Variants in IQCH observed in about 807,000 individuals in gnomAD.
The protein encoded by IQCH is IQ motif containing H, also known as IQ domain-containing protein H.
IQCH carries 98 observed loss-of-function variants against 117.0 expected under a neutral mutation model. The ratio of observed to expected loss-of-function variants is 0.84; its 90% CI spans 0.71 to 0.99. The LOEUF is 0.99. IQCH is among the 50% of genes least tolerant of loss of function. IQCH has a pLI of 0.00. For synonymous variants in IQCH, 412 were observed against 448.2 expected, an observed-to-expected ratio of 0.92 and a Z score of 1.02; for missense variants, 1,102 against 1,243.8, an observed-to-expected ratio of 0.89 and a Z score of 1.72.
rs1299415681 is a variant in IQCH, at chr15:67,400,209, A to G, written c.2001A>G (p.Ala667=). ...CTGAGTTCCGAGGAAATGGGACTGCATTTTGTGATATTCCTTCCTACCTAA... is the reference window on the plus strand; with the variant it reads ...CTGAGTTCCGAGGAAATGGGACTGCGTTTTGTGATATTCCTTCCTACCTAA... ...MDSEFRGNGT[A]FCDIPSYLKC... The change falls in exon 14 of 21, where the codon GCA becomes GCG. Residue 667 remains alanine, a synonymous_variant. Transcript: ENST00000335894. The G allele has an allele frequency of 1.2e-6, 2 of 1,613,580 alleles. No individual in the cohort carries two copies. Among genetic ancestry groups the G allele is most frequent in the African/African-American group, 1.3e-5 (1 of 74,918 alleles).
chr15:67,302,961 A>G (rs917809803), intron 4 of IQCH, among the ~76,000 whole-genome samples: 8 of 152,232 alleles, frequency 5.3e-5, no homozygotes, highest in South Asian at 2.1e-4. Context: ...ATGCTTATCT[A>G]GCATACATTC....
Position 67,475,637 on chromosome 15 carries a change from T to C in IQCH, c.2677-59T>C. ...GCAATTTTCCTGTTAATCTCAAGTA[T>C]TCCAAAATTACAAGTTTATTTAAAT... On this transcript the variant is annotated intron_variant, in intron 17 of 20. Transcript: ENST00000335894. The surrounding 1 kb of genome is among the most constrained non-coding windows in gnomAD (Gnocchi z 5.7). The C allele has an allele frequency of 2.6e-6, 4 of 1,525,032 alleles. No homozygotes were observed. Among genetic ancestry groups the C allele is most frequent in the South Asian group, 1.2e-5 (1 of 85,144 alleles). The allele number at this position is 1,525,032 out of a possible 1,614,324, so 94.5% of individuals were successfully genotyped here.
At chr15:67,383,050 A>G (rs1970990720) in intron 10 of IQCH, among the ~76,000 whole-genome samples, 1 of 152,212 alleles carries the variant, frequency 6.6e-6, no homozygotes, top group African/African-American at 2.4e-5. Context: ...TGCTGATGTC[A>G]TTGTACATTG....
At chr15:67,330,289 A>G (rs1968607933) in intron 4 of IQCH, among the ~76,000 whole-genome samples, 1 of 152,230 alleles carries the variant, frequency 6.6e-6, no homozygotes, top group Admixed American at 6.5e-5. Flanking sequence ...CCAGAAGCAG[A>G]TCCTTTACAT....
At chr15:67,347,759 G>A (rs959261282) in intron 6 of IQCH, among the ~76,000 whole-genome samples, 18 of 148,312 alleles carry the variant, frequency 1.2e-4, no homozygotes, top group African/African-American at 4.4e-4. Context: ...AGATACAAAA[G>A]TCCTTCACAA....
In IQCH at chr15:67,480,643, G is replaced by C. The variant is rs193279603; in HGVS notation, c.2799+4825G>C. On this transcript the variant is annotated intron_variant, in intron 18 of 20. Coordinates refer to ENST00000335894, the MANE Select transcript of IQCH (RefSeq NM_001031715.3). Reference sequence around the variant, plus strand: ...ACAGAAACCTAAAATTTTGGTACTGGCTTGGTAGTCAGGCAATGAGTGGCT... The same window carrying C: ...ACAGAAACCTAAAATTTTGGTACTGCCTTGGTAGTCAGGCAATGAGTGGCT... 7.2e-5 allele frequency among the ~76,000 whole-genome samples: 11 copies of C among 152,258 alleles called. No individual in the cohort carries two copies. The East Asian group carries it at 2.1e-3, about 29-fold the overall frequency.
At chr15:67,279,293 T>C in intron 3 of IQCH, 102 bp from the exon 4 acceptor site, 1 of 657,792 alleles carries the variant, frequency 1.5e-6, no homozygotes, top group Non-Finnish European at 2.7e-6. Flanking sequence ...GAATATTTCC[T>C]ATAAAATATA....
rs377153220 is a variant in IQCH, at chr15:67,373,336, G to A, written c.1306-31G>A. ...CTAGATGAATCCACTACAGCTTCCT[G>A]TCACTGATCAATGCTCTTCTTGATT... is the stretch of plus-strand genomic sequence containing the variant. On this transcript the variant is annotated intron_variant, in intron 9 of 20. Coordinates refer to ENST00000335894, the MANE Select transcript of IQCH (RefSeq NM_001031715.3). 5.7e-4 allele frequency: 880 copies of A among 1,538,154 alleles called. 1 individual carries two copies. The highest frequency in any genetic ancestry group is 7.6e-4 in the Non-Finnish European group (845 of 1,111,576).
intron 14 of IQCH, among the ~76,000 whole-genome samples, chr15:67,409,507 G>A (rs931835631): frequency 1.3e-5 from 2 of 152,182 alleles, no homozygotes; most frequent in African/African-American, 4.8e-5. Flanking sequence ...TGGACAAAAC[G>A]CTTCTCGAGT....
chr15:67,255,056 ACT>A, intron 1 of IQCH, 109 bp downstream of exon 1: 3 of 1,049,944 alleles, frequency 2.9e-6, no homozygotes, highest in African/African-American at 1.6e-5. Context: ...CCGCCCCTAG[ACT>A]CCCTCCAACT....
chr15:67,379,026 A>G (rs1165825770), intron 10 of IQCH, among the ~76,000 whole-genome samples: 2 of 152,210 alleles, frequency 1.3e-5, no homozygotes, highest in Non-Finnish European at 2.9e-5. Context: ...TAAGCCCACT[A>G]CCAACACTAA....
At position 67,421,538 on chromosome 15, in the gene IQCH, T is replaced by G; in HGVS notation, c.2466T>G (p.Asp822Glu). 6.2e-7 allele frequency: 1 copy of G among 1,614,200 alleles called. No homozygotes were observed. The highest frequency in any genetic ancestry group is 8.5e-7 in the Non-Finnish European group (1 of 1,180,020). The change falls in exon 16 of 21, where the codon GAT (aspartate) becomes GAG (glutamate). Residue 822 changes from aspartate to glutamate, a missense_variant. Physicochemically the swap from Asp to Glu is conservative, Grantham distance 45. Coordinates refer to ENST00000335894, the MANE Select transcript of IQCH (RefSeq NM_001031715.3). ...MRDVVGYFSI[D>E]LVTFIDPSTL... ...ATGTGGTTGGTTACTTTTCGATAGA[T>G]CTGGTGACTTTTATAGATCCAAGCA...
intron 14 of IQCH, among the ~76,000 whole-genome samples, chr15:67,402,823 G>A (rs1971719051): frequency 6.6e-6 from 1 of 152,194 alleles, no homozygotes; most frequent in Non-Finnish European, 1.5e-5. Context: ...TTTCTCATTG[G>A]TATGTTGTAG....
At position 67,491,269 on chromosome 15, in the gene IQCH, A is replaced by G. The variant is rs2141092936; in HGVS notation, c.2861+1205A>G. Among the ~76,000 whole-genome samples the G allele has an allele frequency of 6.6e-6, 1 of 152,196 alleles. No individual in the cohort carries two copies. The highest frequency in any genetic ancestry group is 2.4e-5 in the African/African-American group (1 of 41,528). ...TCCAAAGAGGTGCACACTACAAGCAAATGGCTGCATAGGACAGGCCTCAAC... is the reference window on the plus strand; with the variant it reads ...TCCAAAGAGGTGCACACTACAAGCAGATGGCTGCATAGGACAGGCCTCAAC... On this transcript the variant is annotated intron_variant, in intron 19 of 20. Transcript: ENST00000335894. The surrounding 1 kb of genome is among the most constrained non-coding windows in gnomAD (Gnocchi z 4.9).
chr15:67,361,498 T>C (rs1226355305), intron 8 of IQCH, among the ~76,000 whole-genome samples: 3 of 152,258 alleles, frequency 2.0e-5, no homozygotes, highest in African/African-American at 7.2e-5. Context: ...ATCATTTTTA[T>C]GGAAACATAT....
chr15:67,367,528 G>A (rs1437265231), intron 8 of IQCH, among the ~76,000 whole-genome samples: 1 of 152,122 alleles, frequency 6.6e-6, no homozygotes, highest in African/African-American at 2.4e-5. Flanking sequence ...GACAGAGGGA[G>A]ACCCTGTCTC....
At chr15:67,478,727 C>T (rs1313121349) in intron 18 of IQCH, among the ~76,000 whole-genome samples, 1 of 151,872 alleles carries the variant, frequency 6.6e-6, no homozygotes, top group African/African-American at 2.4e-5. Flanking sequence ...AGATCGAGAC[C>T]ATCCTGGCCA....
intron 4 of IQCH, among the ~76,000 whole-genome samples, chr15:67,297,614 T>A (rs899781391): frequency 6.6e-6 from 1 of 152,124 alleles, no homozygotes; most frequent in Non-Finnish European, 1.5e-5. Flanking sequence ...TAACAACAAT[T>A]CACTAATATT....
chr15:67,340,816 A>C (rs952952459), intron 5 of IQCH, among the ~76,000 whole-genome samples: 3 of 152,224 alleles, frequency 2.0e-5, no homozygotes, highest in South Asian at 2.1e-4. Flanking sequence ...AACATTCTGC[A>C]CTCACAATGG....
Sources: allele counts gnomAD v4.1 joint callset (sites outside exome capture counted in the v4.1 genomes callset), GRCh38; gene constraint gnomAD v4.1.1; non-coding constraint Gnocchi (gnomAD v3.1); transcripts MANE v1.5; gene names NCBI Gene and HGNC (gene_info 2026-07-23, HGNC 2026-07-21).